The following PRDM16 variants were observed in gnomAD, a reference collection of about 807,000 sequenced individuals.
PRDM16 encodes histone-lysine N-methyltransferase PRDM16.
A neutral mutation model predicts 110.6 loss-of-function variants in PRDM16; 23 were observed. The ratio of observed to expected loss-of-function variants is 0.21; its 90% CI spans 0.15 to 0.29. PRDM16 has a LOEUF of 0.29. PRDM16 is among the 10% of genes least tolerant of loss of function. The probability of loss-of-function intolerance (pLI) is 1.00; values close to 1 mark genes in which losing one functional copy is unlikely to be tolerated. For synonymous variants in PRDM16, 799 were observed against 781.8 expected (o/e 1.02, Z -0.37); for missense variants, 1,615 against 1,794.3 (o/e 0.90, Z 1.81).
At chr1:3,292,816 C>G (rs1292151968) in intron 3 of PRDM16, among the ~76,000 whole-genome samples, 1 of 152,192 alleles carries the variant, frequency 6.6e-6, no homozygotes, top group Non-Finnish European at 1.5e-5. Flanking sequence ...GAGGCCAGTC[C>G]CATTGCCAAG....
intron 1 of PRDM16, among the ~76,000 whole-genome samples, chr1:3,112,250 G>A (rs1418744318): frequency 1.3e-5 from 2 of 152,180 alleles, no homozygotes; most frequent in Non-Finnish European, 2.9e-5. Flanking sequence ...CGTTTCACCC[G>A]TGGTGACAAA....
At chr1:3,240,121 GAAGAAAGAA>G (rs1639635315) in intron 2 of PRDM16, among the ~76,000 whole-genome samples, 1 of 150,798 alleles carries the variant, frequency 6.6e-6, no homozygotes, top group South Asian at 2.1e-4. Flanking sequence ...GAAGAGAAGA[GAAGAAAGAA>G]AAGAAAGAAA....
At chr1:3,146,834 TGCACAC>T (rs1643672241) in intron 1 of PRDM16, among the ~76,000 whole-genome samples, 1 of 126,736 alleles carries the variant, frequency 7.9e-6, no homozygotes, top group Admixed American at 8.3e-5. Flanking sequence ...AGTGTGTGTG[TGCACAC>T]GTGTGTGCTC....
intron 3 of PRDM16, among the ~76,000 whole-genome samples, chr1:3,269,597 G>T (rs1294543804): frequency 6.7e-6 from 1 of 149,704 alleles, no homozygotes; most frequent in Non-Finnish European, 1.5e-5. Context: ...CAGTCGGGAG[G>T]AGGACAGTCC....
intron 4 of PRDM16, among the ~76,000 whole-genome samples, chr1:3,388,599 G>C (rs552206933): frequency 6.6e-6 from 1 of 152,212 alleles, no homozygotes; most frequent in Non-Finnish European, 1.5e-5. Context: ...GAAGAGATGA[G>C]CTCCTCTACT....
intron 1 of PRDM16, among the ~76,000 whole-genome samples, chr1:3,079,809 G>A (rs369585111): frequency 6.6e-6 from 1 of 152,188 alleles, no homozygotes; most frequent in African/African-American, 2.4e-5. Context: ...ACACACACCT[G>A]CAGGCAAGCG....
rs182735613 is a variant in PRDM16, at chr1:3,245,327, A to G, written c.438+1190A>G. 1.5e-3 allele frequency among the ~76,000 whole-genome samples: 235 copies of G among 152,282 alleles called. 3 individuals carry two copies. Among genetic ancestry groups the G allele is most frequent in the African/African-American group, 5.3e-3 (222 of 41,544 alleles). On this transcript the variant is annotated intron_variant, in intron 3 of 16. Coordinates refer to ENST00000270722, the MANE Select transcript of PRDM16 (RefSeq NM_022114.4). The surrounding 1 kb of genome is among the most constrained non-coding windows in gnomAD (Gnocchi z 4.7). Reference sequence around the variant, plus strand: ...AAACTCCCAGTCTCTGAGCCGAGGCATTTGGGCAGAGCTGCCTACGAGGGA... The same window carrying G: ...AAACTCCCAGTCTCTGAGCCGAGGCGTTTGGGCAGAGCTGCCTACGAGGGA...
At chr1:3,149,951 C>G (rs1643746022) in intron 1 of PRDM16, among the ~76,000 whole-genome samples, 1 of 152,226 alleles carries the variant, frequency 6.6e-6, no homozygotes, top group Non-Finnish European at 1.5e-5. Flanking sequence ...GAGGCAGGAG[C>G]CCCGGGGTTA....
At chr1:3,083,276 G>A (rs564844781) in intron 1 of PRDM16, among the ~76,000 whole-genome samples, 15 of 152,312 alleles carry the variant, frequency 9.8e-5, no homozygotes, top group African/African-American at 3.1e-4. Context: ...GCAACCTGGC[G>A]GCTGGGCCCC....
chr1:3,355,902 C>A (rs1455630090), intron 3 of PRDM16, among the ~76,000 whole-genome samples: 1 of 152,086 alleles, frequency 6.6e-6, no homozygotes, highest in Non-Finnish European at 1.5e-5. Flanking sequence ...CTTCCTCCCC[C>A]AAACACCCCC....
At chr1:3,317,161 G>T (rs567932366) in intron 3 of PRDM16, among the ~76,000 whole-genome samples, 1 of 152,340 alleles carries the variant, frequency 6.6e-6, no homozygotes, top group Non-Finnish European at 1.5e-5. Context: ...ATCTGCTGTG[G>T]TTGGACAGTG....
At chr1:3,427,431 G>A (rs531412227) in intron 14 of PRDM16, among the ~76,000 whole-genome samples, 9 of 152,096 alleles carry the variant, frequency 5.9e-5, no homozygotes, top group Non-Finnish European at 1.0e-4. Context: ...GGCCATGGGC[G>A]GTCTAAGGCT....
intron 14 of PRDM16, among the ~76,000 whole-genome samples, chr1:3,428,240 A>G (rs1638669270): frequency 6.9e-6 from 1 of 144,294 alleles, no homozygotes; most frequent in Non-Finnish European, 1.5e-5. Context: ...GAGACCCACC[A>G]GGACCCCGAG....
In PRDM16 at chr1:3,425,970, T is replaced by A. The variant is rs919824766; in HGVS notation, c.3110-81T>A. 1.4e-5 allele frequency: 21 copies of A among 1,471,334 alleles called. No homozygotes were observed. The highest frequency in any genetic ancestry group is 1.9e-5 in the Non-Finnish European group (21 of 1,090,186). The allele number at this position is 1,471,334 out of a possible 1,614,324, so 91.1% of individuals were successfully genotyped here. On this transcript the variant is annotated intron_variant, in intron 13 of 16. Transcript: ENST00000270722. This position sits in a 1 kb window ranked among gnomAD's most constrained non-coding sequence, Gnocchi z 6.9. The stretch of plus-strand genomic sequence containing the variant: ...TGCCTCCCTAACAGCACCCCAGGTG[T>A]ACCCCGTTCGCGGTTGGTTTGCCCC...
intron 9 of PRDM16, 73 bp from the exon 10 acceptor site, chr1:3,414,487 G>C (rs1379255717): frequency 8.6e-7 from 1 of 1,166,456 alleles, no homozygotes; most frequent in Admixed American, 1.9e-5. Flanking sequence ...CGGGGTGGGC[G>C]GCTCTGTGGA....
intron 3 of PRDM16, among the ~76,000 whole-genome samples, chr1:3,272,330 G>A (rs1422239001): frequency 1.3e-5 from 2 of 152,174 alleles, no homozygotes; most frequent in East Asian, 3.9e-4. Context: ...TCTCCGTGGG[G>A]GCTCTTTAGG....
intron 1 of PRDM16, among the ~76,000 whole-genome samples, chr1:3,156,555 G>A (rs539679129): frequency 3.7e-4 from 56 of 152,270 alleles, no homozygotes; most frequent in Middle Eastern, 3.4e-3. Context: ...CCTCCTCCTG[G>A]TAGAGGCAGG....
chr1:3,150,578 TAAA>T (rs1643756304), intron 1 of PRDM16, among the ~76,000 whole-genome samples: 1 of 151,712 alleles, frequency 6.6e-6, no homozygotes, highest in Non-Finnish European at 1.5e-5. Flanking sequence ...TAAAATAAAA[TAAA>T]AAGATAAAAT....
chr1:3,072,682 C>T (rs1346833263), intron 1 of PRDM16, among the ~76,000 whole-genome samples: 1 of 152,232 alleles, frequency 6.6e-6, no homozygotes. Flanking sequence ...GCCCCGTCCA[C>T]CAGTCCCCTC....
Sources: allele counts gnomAD v4.1 joint callset (sites outside exome capture counted in the v4.1 genomes callset), GRCh38; gene constraint gnomAD v4.1.1; non-coding constraint Gnocchi (gnomAD v3.1); transcripts MANE v1.5; gene names NCBI Gene and HGNC (gene_info 2026-07-23, HGNC 2026-07-21).